HOXD10: variants seen among roughly 807,000 people sequenced by gnomAD.
HOXD10 encodes the protein homeobox protein Hox-D10.
A neutral mutation model predicts 27.0 loss-of-function variants in HOXD10; 15 were observed. That is an observed-to-expected ratio of 0.56 (90% CI 0.37 to 0.85). The LOEUF is 0.85. HOXD10 is among the 40% of genes least tolerant of loss of function. HOXD10 has a pLI of 0.00. For missense variants in HOXD10, 440 were observed against 430.4 expected (o/e 1.02, Z -0.20); for synonymous variants, 178 against 160.9 (o/e 1.11, Z -0.80).
In HOXD10 at chr2:176,119,182, G is replaced by T. The variant is rs778140250; in HGVS notation, c.974G>T (p.Ser325Ile). The T allele has an allele frequency of 6.2e-7, 1 of 1,613,938 alleles. No individual in the cohort carries two copies. Among genetic ancestry groups the T allele is most frequent in the East Asian group, 2.2e-5 (1 of 44,856 alleles). The change falls in exon 2 of 2, where the codon AGC becomes ATC. Residue 325 changes from serine (S) to isoleucine (I), a missense_variant. By Grantham distance (142) the Ser-to-Ile change is moderately radical. Transcript: ENST00000249501. ...QNRRMKLKKMSRENRIRELTA... is the reference protein window; with the variant it reads ...QNRRMKLKKMIRENRIRELTA... ...CGCCGAATGAAACTCAAGAAGATGA[G>T]CCGAGAGAACCGGATCCGAGAACTG...
chr2:176,118,933 T>G, intron 1 of HOXD10, 21 bp from the exon 2 acceptor site: 3 of 1,602,426 alleles, frequency 1.9e-6, no homozygotes, highest in Admixed American at 1.7e-5. Flanking sequence ...TTTTTTCTTC[T>G]TCTCCCTTTA....
In HOXD10 at chr2:176,118,826, C is replaced by G. The variant is rs1016522075; in HGVS notation, c.746-128C>G. 3.7e-6 allele frequency: 3 copies of G among 806,150 alleles called. No individual in the cohort carries two copies. In the Admixed American group the frequency reaches 6.9e-5, roughly 18 times the overall value. 49.9% of individuals were successfully genotyped at this position (806,150 alleles called of 1,614,324 possible). A position where few individuals can be genotyped will look rare whatever the true frequency, so the allele number is the denominator to read the frequency against. On this transcript the variant is annotated intron_variant, in intron 1 of 1. Coordinates refer to ENST00000249501, the MANE Select transcript of HOXD10 (RefSeq NM_002148.4). ...GCCAGCAGGGTCACGGCCAAGGGTA[C>G]ATTTGAACAGTCTGAAGAAAAAAAC...
intron 1 of HOXD10, 96 bp downstream of exon 1, chr2:176,117,674 G>A (rs1399841585): frequency 4.3e-6 from 6 of 1,383,266 alleles, no homozygotes; most frequent in East Asian, 2.3e-5. Flanking sequence ...GCCGGAGCCC[G>A]ACTTGGCAGG....
rs1689836915 is a variant in HOXD10 at position 176,119,759 on chromosome 2, C to T, written c.*528C>T. On this transcript the variant is annotated 3_prime_UTR_variant, in exon 2 of 2. Coordinates refer to ENST00000249501, the MANE Select transcript of HOXD10 (RefSeq NM_002148.4). Reference sequence around the variant, plus strand: ...GGAGGGGGACTTAAAAAGCACATTACAATGTATCTTTTCACAAATGAATTT... The same window carrying T: ...GGAGGGGGACTTAAAAAGCACATTATAATGTATCTTTTCACAAATGAATTT... The T allele has an allele frequency of 6.6e-6, 1 of 152,270 alleles. No homozygotes were observed. The allele number at this position is 152,270 out of a possible 1,614,324, so 9.4% of individuals were successfully genotyped here. A position where few individuals can be genotyped will look rare whatever the true frequency, so the allele number is the denominator to read the frequency against.
chr2:176,117,686 G>T lies in HOXD10; in HGVS notation c.745+108G>T, dbSNP rs1043695169. 1.7e-5 allele frequency: 21 copies of T among 1,269,572 alleles called. No homozygotes were observed. The African/African-American group carries it at 2.6e-4, about 16-fold the overall frequency. 78.6% of individuals were successfully genotyped at this position (1,269,572 alleles called of 1,614,324 possible). A position where few individuals can be genotyped will look rare whatever the true frequency, so the allele number is the denominator to read the frequency against. On this transcript the variant is annotated intron_variant, in intron 1 of 1. Transcript: ENST00000249501. ...CGAGCCGGAGCCCGACTTGGCAGGTGCTGCTCCGCCTGGTTTTAGAGGGGT... is the reference window on the plus strand; with the variant it reads ...CGAGCCGGAGCCCGACTTGGCAGGTTCTGCTCCGCCTGGTTTTAGAGGGGT...
rs1314842264 is a variant in HOXD10, at chr2:176,117,053, T to C, written c.220T>C (p.Tyr74His). The C allele has an allele frequency of 3.7e-6, 6 of 1,613,992 alleles. No homozygotes were observed. Among genetic ancestry groups the C allele is most frequent in the Non-Finnish European group, 5.1e-6 (6 of 1,180,030 alleles). The change falls in exon 1 of 2, where the codon TAT becomes CAT. Residue 74 changes from tyrosine to histidine, a missense_variant. Coordinates refer to ENST00000249501, the MANE Select transcript of HOXD10 (RefSeq NM_002148.4). ...HQNMGMNVHP[Y>H]IPQVDSWTDP... ...AAATATGGGTATGAATGTGCATCCT[T>C]ATATACCTCAAGTAGACAGTTGGAC...
In HOXD10 at chr2:176,118,843, G is replaced by T. The variant is rs560948038; in HGVS notation, c.746-111G>T. 1.6e-5 allele frequency: 16 copies of T among 1,015,044 alleles called. No individual in the cohort carries two copies. In the East Asian group the frequency reaches 3.8e-4, roughly 24 times the overall value. The allele number at this position is 1,015,044 out of a possible 1,614,324, so 62.9% of individuals were successfully genotyped here. ...CAAGGGTACATTTGAACAGTCTGAAGAAAAAAACAAAAACGAAAACCAAAA... is the reference window on the plus strand; with the variant it reads ...CAAGGGTACATTTGAACAGTCTGAATAAAAAAACAAAAACGAAAACCAAAA... On this transcript the variant is annotated intron_variant, in intron 1 of 1. Coordinates refer to ENST00000249501, the MANE Select transcript of HOXD10 (RefSeq NM_002148.4).
At chr2:176,118,503 C>A (rs1246284073) in intron 1 of HOXD10, among the ~76,000 whole-genome samples, 1 of 152,098 alleles carries the variant, frequency 6.6e-6, no homozygotes, top group Non-Finnish European at 1.5e-5. Flanking sequence ...GAAGAAGTGG[C>A]AGATTTGGGG....
rs968823143 is a variant in HOXD10 at position 176,119,618 on chromosome 2, A to T, written c.*387A>T. The T allele has an allele frequency of 6.5e-6, 1 of 152,832 alleles. No homozygotes were observed. The highest frequency in any genetic ancestry group is 2.4e-5 in the African/African-American group (1 of 41,194). 9.5% of individuals were successfully genotyped at this position (152,832 alleles called of 1,614,324 possible). A position where few individuals can be genotyped will look rare whatever the true frequency, so the allele number is the denominator to read the frequency against. The stretch of plus-strand genomic sequence containing the variant: ...GACTTTTTCATGTCTTTCCTAACAC[A>T]AAAGGTCTATGTGTGTGGTTAGTCC... On this transcript the variant is annotated 3_prime_UTR_variant, in exon 2 of 2. Transcript: ENST00000249501.
rs772928272 is a variant in HOXD10, at chr2:176,117,590, C to G, written c.745+12C>G. ...GAAGGAAAGCAAAGGTCGGTATGAG[C>G]AGAGTTGCCACCCCAGCGGGGCGCG... On this transcript the variant is annotated intron_variant, in intron 1 of 1. Coordinates refer to ENST00000249501, the MANE Select transcript of HOXD10 (RefSeq NM_002148.4). 4.5e-5 allele frequency: 72 copies of G among 1,612,322 alleles called. 2 individuals are homozygous for G. In the South Asian group the frequency reaches 7.8e-4, roughly 17 times the overall value.
Position 176,116,840 on chromosome 2 carries a change from T to G in HOXD10, c.7T>G (p.Phe3Val). Residue 3 changes from phenylalanine to valine, a missense_variant, in exon 1 of 2, where the codon TTT becomes GTT. By Grantham distance (50) the Phe-to-Val change is conservative. Transcript: ENST00000249501. ...CTTCAAATTCTTCCCCAAAATGTCC[T>G]TTCCCAACAGCTCTCCTGCTGCTAA... MS[F>V]PNSSPAANTF... 1 of 1,614,064 alleles carries G rather than the reference T, an allele frequency of 6.2e-7. No individual in the cohort carries two copies. Among genetic ancestry groups the G allele is most frequent in the South Asian group, 1.1e-5 (1 of 91,086 alleles).
In HOXD10 at chr2:176,117,870, T is replaced by A. The variant is rs919038140; in HGVS notation, c.745+292T>A. On this transcript the variant is annotated intron_variant, in intron 1 of 1. Transcript: ENST00000249501. ...ACAACAAAAGAGCGCAAAGGAGACC[T>A]GCGGCTCATAAACACGACCACAGAG... 4.6e-5 allele frequency among the ~76,000 whole-genome samples: 7 copies of A among 152,354 alleles called. 1 individual carries two copies. The highest frequency in any genetic ancestry group is 1.7e-4 in the African/African-American group (7 of 41,588).
In HOXD10 at chr2:176,119,396, C is replaced by G; in HGVS notation, c.*165C>G. The stretch of plus-strand genomic sequence containing the variant: ...TCCTGCTAGAATGTGACTTTGGGGT[C>G]ATTATGTTCGTGCTGCAAGTGATCT... On this transcript the variant is annotated 3_prime_UTR_variant, in exon 2 of 2. Coordinates refer to ENST00000249501, the MANE Select transcript of HOXD10 (RefSeq NM_002148.4). 1 of 621,822 alleles carries G rather than the reference C, an allele frequency of 1.6e-6. No homozygotes were observed. The highest frequency in any genetic ancestry group is 2.8e-6 in the Non-Finnish European group (1 of 355,960). The allele number at this position is 621,822 out of a possible 1,614,324, so 38.5% of individuals were successfully genotyped here. A position where few individuals can be genotyped will look rare whatever the true frequency, so the allele number is the denominator to read the frequency against.
chr2:176,117,569 G>A lies in HOXD10; in HGVS notation c.736G>A (p.Glu246Lys), dbSNP rs1689782953. 5 of 1,613,110 alleles carry A rather than the reference G, an allele frequency of 3.1e-6. No individual in the cohort carries two copies. Among genetic ancestry groups the A allele is most frequent in the Non-Finnish European group, 4.2e-6 (5 of 1,180,046 alleles). The change falls in exon 1 of 2, where the codon GAA becomes AAA. Residue 246 changes from glutamate to lysine, a missense_variant. Glu to Lys is a moderately conservative substitution (Grantham distance 56). Transcript: ENST00000249501. ...GTCCAGTCCCGAAGTGCAGGAGAAG[G>A]AAAGCAAAGGTCGGTATGAGCAGAG... ...SVSSPEVQEKESKEEIKSDTP... is the reference protein window; with the variant it reads ...SVSSPEVQEKKSKEEIKSDTP...
chr2:176,118,876 C>CAAAACA (rs529344873), intron 1 of HOXD10, 78 bp from the exon 2 acceptor site: 90 of 974,248 alleles, frequency 9.2e-5, no homozygotes, highest in African/African-American at 2.9e-4. Context: ...AAACCAAAAC[C>CAAAACA]AAAACAAAAA....
chr2:176,119,171 CAAG>C lies in HOXD10; in HGVS notation c.968_970del (p.Lys323del), dbSNP rs1249052328. ...GGTTTCAAAACCGCCGAATGAAACT[CAAG>C]AAGATGAGCCGAGAGAACCGGATCC... On this transcript the variant is annotated inframe_deletion, in exon 2 of 2. Coordinates refer to ENST00000249501, the MANE Select transcript of HOXD10 (RefSeq NM_002148.4). 1.1e-5 allele frequency: 17 copies of C among 1,613,824 alleles called. 1 individual carries two copies. The highest frequency in any genetic ancestry group is 1.2e-5 in the Non-Finnish European group (14 of 1,180,002).
In HOXD10 at chr2:176,119,018, G is replaced by A. The variant is rs1689816726; in HGVS notation, c.810G>A (p.Arg270=). ...WLTAKSGRKK[R]CPYTKHQTLE... ...CTGCAAAGAGTGGCAGAAAGAAGAGGTGCCCTTACACTAAGCACCAAACGC... is the reference window on the plus strand; with the variant it reads ...CTGCAAAGAGTGGCAGAAAGAAGAGATGCCCTTACACTAAGCACCAAACGC... The change falls in exon 2 of 2, where the codon AGG becomes AGA. Residue 270 remains arginine, a synonymous_variant. Coordinates refer to ENST00000249501, the MANE Select transcript of HOXD10 (RefSeq NM_002148.4). The A allele has an allele frequency of 6.2e-7, 1 of 1,613,802 alleles. No individual in the cohort carries two copies. Among genetic ancestry groups the A allele is most frequent in the East Asian group, 2.2e-5 (1 of 44,884 alleles).
chr2:176,117,612 C>A, intron 1 of HOXD10, 34 bp downstream of exon 1: 1 of 1,609,600 alleles, frequency 6.2e-7, no homozygotes, highest in South Asian at 1.1e-5. Flanking sequence ...CCCAGCGGGG[C>A]GCGCAGCCCG....
At position 176,117,385 on chromosome 2, in the gene HOXD10, C is replaced by T. The variant is rs756832722; in HGVS notation, c.552C>T (p.Gly184=). The T allele has an allele frequency of 2.4e-5, 38 of 1,613,166 alleles. No homozygotes were observed. The highest frequency in any genetic ancestry group is 2.3e-5 in the Non-Finnish European group (27 of 1,179,974). ...STVMLQLNPR[G]AAKPQLSAAQ... ...TCATGCTCCAGCTCAACCCTCGTGG[C>T]GCGGCCAAGCCGCAGCTCTCCGCTG... The change falls in exon 1 of 2, where the codon GGC becomes GGT. Residue 184 remains glycine, a synonymous_variant. Coordinates refer to ENST00000249501, the MANE Select transcript of HOXD10 (RefSeq NM_002148.4).
Sources: allele counts gnomAD v4.1 joint callset (sites outside exome capture counted in the v4.1 genomes callset), GRCh38; gene constraint gnomAD v4.1.1; transcripts MANE v1.5; gene names NCBI Gene and HGNC (gene_info 2026-07-23, HGNC 2026-07-21).